The following PCDH15 variants were observed in gnomAD, a reference collection of about 807,000 sequenced individuals.
PCDH15 encodes the protein protocadherin-15.
Under a neutral mutation model 178.5 loss-of-function variants are expected in PCDH15, and 129 were observed. The observed-to-expected ratio is 0.72, with a 90% CI of 0.63 to 0.84. The LOEUF is 0.84. PCDH15 is among the 40% of genes least tolerant of loss of function. The pLI is 0.00. For missense variants in PCDH15, 2,230 were observed against 2,099.9 expected (o/e 1.06, Z -1.21); for synonymous variants, 800 against 732.0 (o/e 1.09, Z -1.50).
chr10:55,512,773 T>C (rs80267649), intron 2 of PCDH15: 1 of 152,126 alleles, frequency 6.6e-6, no homozygotes, highest in East Asian at 1.9e-4. Flanking sequence ...TGTTTTATCA[T>C]TCTCAGTCAC....
intron 13 of PCDH15, among the ~76,000 whole-genome samples, chr10:54,175,498 T>C (rs2047347931): frequency 6.6e-6 from 1 of 152,312 alleles, no homozygotes; most frequent in Non-Finnish European, 1.5e-5. Flanking sequence ...ACAGTAATAA[T>C]AGCAAGTTAC....
chr10:55,422,126 G>A (rs541443419), intron 2 of PCDH15, among the ~76,000 whole-genome samples: 21 of 149,846 alleles, frequency 1.4e-4, no homozygotes, highest in African/African-American at 4.5e-4. Context: ...TCTATTCACC[G>A]CTACCCACAG....
At chr10:54,544,533 G>A (rs2133048074) in intron 2 of PCDH15, among the ~76,000 whole-genome samples, 1 of 152,178 alleles carries the variant, frequency 6.6e-6, no homozygotes, top group East Asian at 1.9e-4. Context: ...TTGAATATCT[G>A]CTGCTATTTA....
intron 11 of PCDH15, among the ~76,000 whole-genome samples, chr10:54,194,133 C>G (rs1172911845): frequency 6.7e-6 from 1 of 150,208 alleles, no homozygotes; most frequent in African/African-American, 2.5e-5. Flanking sequence ...AATAAAGCAT[C>G]TGGTGGGAAG....
chr10:54,569,144 A>G (rs1420308491), intron 2 of PCDH15, among the ~76,000 whole-genome samples: 1 of 152,072 alleles, frequency 6.6e-6, no homozygotes, highest in African/African-American at 2.4e-5. Context: ...TTAAAAAACT[A>G]CATATGCTAA....
At chr10:54,463,839 C>T (rs1017626151) in intron 3 of PCDH15, among the ~76,000 whole-genome samples, 2 of 151,730 alleles carry the variant, frequency 1.3e-5, no homozygotes, top group East Asian at 3.9e-4. Context: ...TATGTACGAG[C>T]GACATTTGAA....
At chr10:55,454,928 T>G (rs2132085436) in intron 2 of PCDH15, among the ~76,000 whole-genome samples, 1 of 152,100 alleles carries the variant, frequency 6.6e-6, no homozygotes, top group Non-Finnish European at 1.5e-5. Context: ...TATATATAAA[T>G]AAATATACAT....
At chr10:55,549,775 T>A (rs1176423169) in intron 2 of PCDH15, among the ~76,000 whole-genome samples, 1 of 152,166 alleles carries the variant, frequency 6.6e-6, no homozygotes, top group Non-Finnish European at 1.5e-5. Context: ...TCCTGTTTTG[T>A]CACTAATGTT....
At chr10:54,215,082 A>G (rs989842784) in intron 9 of PCDH15, among the ~76,000 whole-genome samples, 2 of 152,210 alleles carry the variant, frequency 1.3e-5, no homozygotes, top group Admixed American at 6.5e-5. Flanking sequence ...ATAGCTTCCT[A>G]TTATGGAAAC....
chr10:53,888,300 A>ATGTATATGTATATGTATATATATACG, intron 26 of PCDH15, among the ~76,000 whole-genome samples: 1 of 82,018 alleles, frequency 1.2e-5, no homozygotes, highest in East Asian at 7.4e-4. Flanking sequence ...ACATATATAT[A>ATGTATATGTATATGTATATATATACG]TATATATATG....
chr10:54,997,110 T>C (rs1591826453), intron 2 of PCDH15, among the ~76,000 whole-genome samples: 1 of 48,202 alleles, frequency 2.1e-5, no homozygotes, highest in Non-Finnish European at 4.3e-5. Flanking sequence ...AACTCTAGTC[T>C]CAAAAAAAAA....
chr10:54,740,264 T>C lies in PCDH15; in HGVS notation c.-29+60661A>G, dbSNP rs75111127. On this transcript the variant is annotated intron_variant, in intron 1 of 37. Transcript: ENST00000644397. ...TTTTAAGAGAAGATACACCAGTAGG[T>C]ATGTGAAAATAATGTTCAAAATCAC... 6.5e-3 allele frequency among the ~76,000 whole-genome samples: 994 copies of C among 152,014 alleles called. 13 individuals are homozygous for C. Among genetic ancestry groups the C allele is most frequent in the African/African-American group, 0.023 (948 of 41,524 alleles).
intron 1 of PCDH15, among the ~76,000 whole-genome samples, chr10:54,779,083 T>C (rs1488693975): frequency 1.3e-5 from 2 of 152,154 alleles, no homozygotes; most frequent in East Asian, 3.9e-4. Flanking sequence ...TCTAATACCC[T>C]TTTAAGTTGC....
intron 2 of PCDH15, among the ~76,000 whole-genome samples, chr10:55,582,596 G>GTATA (rs56817323): frequency 0.022 from 1,999 of 90,002 alleles, 62 homozygotes; most frequent in Non-Finnish European, 0.033. Context: ...ATGTGTATGT[G>GTATA]TATATATATA....
intron 2 of PCDH15, among the ~76,000 whole-genome samples, chr10:54,939,494 C>CAAAAAA (rs71014430): frequency 0.032 from 850 of 26,680 alleles, 202 homozygotes; most frequent in Non-Finnish European, 0.044. Context: ...GACTCCGTCT[C>CAAAAAA]AAAAAAAAAA....
intron 3 of PCDH15, among the ~76,000 whole-genome samples, chr10:54,851,542 T>G (rs1177336267): frequency 6.6e-6 from 1 of 152,150 alleles, no homozygotes; most frequent in Non-Finnish European, 1.5e-5. Flanking sequence ...ATGCTGAAAC[T>G]TTTATTACTG....
intron 21 of PCDH15, among the ~76,000 whole-genome samples, chr10:53,973,648 T>C (rs894145722): frequency 1.3e-5 from 2 of 152,228 alleles, no homozygotes; most frequent in African/African-American, 4.8e-5. Flanking sequence ...TAGTGTTCTC[T>C]ATTTAGGTTT....
At chr10:54,798,758 C>T (rs911060462) in intron 1 of PCDH15, among the ~76,000 whole-genome samples, 1 of 152,006 alleles carries the variant, frequency 6.6e-6, no homozygotes, top group Non-Finnish European at 1.5e-5. Flanking sequence ...AAACTTAAAA[C>T]CATGTATTTC....
At chr10:54,373,147 A>C (rs1305766349) in intron 4 of PCDH15, among the ~76,000 whole-genome samples, 1 of 151,934 alleles carries the variant, frequency 6.6e-6, no homozygotes, top group East Asian at 1.9e-4. Context: ...TCTTCAATCC[A>C]ATATATTTTT....
Sources: allele counts gnomAD v4.1 joint callset (sites outside exome capture counted in the v4.1 genomes callset), GRCh38; gene constraint gnomAD v4.1.1; transcripts MANE v1.5; gene names NCBI Gene and HGNC (gene_info 2026-07-23, HGNC 2026-07-21).